The following PCDHA8 variants were observed in gnomAD, a reference collection of about 807,000 sequenced individuals.
The protein encoded by PCDHA8 is protocadherin alpha-8.
In PCDHA8, 53 loss-of-function variants were observed where a neutral mutation model predicts 61.8. The ratio of observed to expected loss-of-function variants is 0.86; its 90% confidence interval spans 0.69 to 1.08. The LOEUF (loss-of-function observed/expected upper bound fraction) is 1.08. Ranked by LOEUF, PCDHA8 falls within the 50% of genes least tolerant of loss-of-function variation. The probability of loss-of-function intolerance (pLI) is 0.00; values close to 1 mark genes in which losing one functional copy is unlikely to be tolerated. For synonymous variants in PCDHA8, 618 were observed against 556.6 expected, an observed-to-expected ratio of 1.11 and a Z score of -1.55; for missense variants, 1,293 against 1,245.0, an observed-to-expected ratio of 1.04 and a Z score of -0.58.
rs2098415868 is a variant in PCDHA8 at position 141,010,044 on chromosome 5, G to A, written c.*107G>A. On this transcript the variant is annotated 3_prime_UTR_variant, in exon 4 of 4. Coordinates refer to ENST00000531613, the MANE Select transcript of PCDHA8 (RefSeq NM_018911.3). ...TTTCCTATCTACATGAGCCCTCTTA[G>A]AGACCTCAGAAATCTGCAGAAAGTT... 6.3e-7 allele frequency: 1 copy of A among 1,594,604 alleles called. No individual in the cohort carries two copies. The highest frequency in any genetic ancestry group is 8.5e-7 in the Non-Finnish European group (1 of 1,171,226).
At chr5:140,980,852 T>G (rs1233523507) in intron 2 of PCDHA8, among the ~76,000 whole-genome samples, 5 of 152,184 alleles carry the variant, frequency 3.3e-5, no homozygotes, top group African/African-American at 1.2e-4. Flanking sequence ...TACTAATCTT[T>G]TTCGTATGTG....
At chr5:140,921,078 C>A (rs2153559626) in intron 1 of PCDHA8, among the ~76,000 whole-genome samples, 1 of 151,870 alleles carries the variant, frequency 6.6e-6, no homozygotes, top group East Asian at 2.0e-4. Context: ...CTCTTGGGCT[C>A]AAGAGAATCC....
intron 1 of PCDHA8, chr5:140,870,378 T>C (rs782676295): frequency 1.9e-6 from 3 of 1,614,036 alleles, no homozygotes; most frequent in African/African-American, 1.3e-5. Flanking sequence ...TGGTGGTGAC[T>C]GCGCGGGATG....
chr5:141,006,338 A>G (rs1201287903), intron 3 of PCDHA8, among the ~76,000 whole-genome samples: 13 of 151,820 alleles, frequency 8.6e-5, no homozygotes, highest in African/African-American at 3.1e-4. Flanking sequence ...CAGCCTCCTG[A>G]GTAGCTGGGA....
rs150360427 is a variant in PCDHA8 at position 140,892,912 on chromosome 5, T to C, written c.2394+49197T>C. Among the ~76,000 whole-genome samples, 3 of 152,298 alleles carry C rather than the reference T, an allele frequency of 2.0e-5. No homozygotes were observed. In the East Asian group the frequency reaches 5.8e-4, roughly 29 times the overall value. Reference sequence around the variant, plus strand: ...CAACCTTTCCCCATCCTCCTTTTCCTTCACCCTTCCCAGCCTCTGATAAGC... The same window carrying C: ...CAACCTTTCCCCATCCTCCTTTTCCCTCACCCTTCCCAGCCTCTGATAAGC... On this transcript the variant is annotated intron_variant, in intron 1 of 3. Coordinates refer to ENST00000531613, the MANE Select transcript of PCDHA8 (RefSeq NM_018911.3).
chr5:140,996,524 C>A (rs1303736536), intron 3 of PCDHA8, among the ~76,000 whole-genome samples: 3 of 152,048 alleles, frequency 2.0e-5, no homozygotes, highest in African/African-American at 7.2e-5. Flanking sequence ...TTAGAAAGGC[C>A]CTGTGTGTTT....
At chr5:140,962,037 C>G (rs1449536712) in intron 1 of PCDHA8, among the ~76,000 whole-genome samples, 1 of 152,066 alleles carries the variant, frequency 6.6e-6, no homozygotes, top group African/African-American at 2.4e-5. Flanking sequence ...GCACCCACCA[C>G]CATGCCTGGC....
chr5:140,944,871 C>T (rs1370417254), intron 1 of PCDHA8, among the ~76,000 whole-genome samples: 1 of 152,110 alleles, frequency 6.6e-6, no homozygotes, highest in Non-Finnish European at 1.5e-5. Flanking sequence ...ATCTTAACCA[C>T]CTACTCCACT....
rs79215949 is a variant in PCDHA8 at position 140,921,420 on chromosome 5, C to T, written c.2395-57529C>T. Among the ~76,000 whole-genome samples, 1,220 of 152,204 alleles carry T rather than the reference C, an allele frequency of 8.0e-3. 6 individuals carry two copies. The highest frequency in any genetic ancestry group is 0.019 in the African/African-American group (786 of 41,526). On this transcript the variant is annotated intron_variant, in intron 1 of 3. Coordinates refer to ENST00000531613, the MANE Select transcript of PCDHA8 (RefSeq NM_018911.3). Reference sequence around the variant, plus strand: ...ACTAGATTTTCCTCTGTGCTGCAGACAAAAATTTTCTTCAATGGTGTCTGA... The same window carrying T: ...ACTAGATTTTCCTCTGTGCTGCAGATAAAAATTTTCTTCAATGGTGTCTGA...
chr5:140,927,275 A>G, intron 1 of PCDHA8: 1 of 1,614,124 alleles, frequency 6.2e-7, no homozygotes, highest in Non-Finnish European at 8.5e-7. Flanking sequence ...CCTGCCGGCG[A>G]CGTGCAGCTG....
intron 1 of PCDHA8, among the ~76,000 whole-genome samples, chr5:140,900,374 T>TCAAGAA (rs1554189115): frequency 1.3e-5 from 2 of 151,622 alleles, no homozygotes; most frequent in Non-Finnish European, 2.9e-5. Flanking sequence ...GCCTCCTGGG[T>TCAAGAA]TCAAGCGATT....
chr5:140,863,401 CCCACGCTGGTGT>C, intron 1 of PCDHA8: 2 of 854,408 alleles, frequency 2.3e-6, no homozygotes, highest in East Asian at 4.2e-5. Flanking sequence ...GCCGGGCAAG[CCCACGCTGGTGT>C]ACCGCAGCGT....
intron 1 of PCDHA8, among the ~76,000 whole-genome samples, chr5:140,889,584 CT>C (rs1192659128): frequency 1.3e-5 from 2 of 151,792 alleles, no homozygotes; most frequent in Non-Finnish European, 2.9e-5. Context: ...TTTGTTTTTG[CT>C]TTGAAATATT....
intron 3 of PCDHA8, among the ~76,000 whole-genome samples, chr5:140,985,803 G>T (rs536777034): frequency 2.9e-5 from 4 of 139,766 alleles, no homozygotes; most frequent in Non-Finnish European, 6.0e-5. Context: ...GCAGTGGCAC[G>T]ATCTCAGCTC....
intron 1 of PCDHA8, chr5:140,967,958 C>A (rs202159883): frequency 6.2e-7 from 1 of 1,614,182 alleles, no homozygotes; most frequent in Non-Finnish European, 8.5e-7. Context: ...AGGCCCCAAC[C>A]GGAAAGTGAG....
intron 1 of PCDHA8, chr5:140,863,088 C>T: frequency 1.7e-6 from 1 of 574,660 alleles, no homozygotes; most frequent in Non-Finnish European, 3.4e-6. Flanking sequence ...GCGAGATCAG[C>T]ACGACGAGTA....
chr5:140,903,713 A>G (rs1391210068), intron 1 of PCDHA8, among the ~76,000 whole-genome samples: 1 of 152,206 alleles, frequency 6.6e-6, no homozygotes, highest in Non-Finnish European at 1.5e-5. Flanking sequence ...TAAAATATAC[A>G]ATTCTCCCTA....
At chr5:140,901,766 A>T (rs2068897184) in intron 1 of PCDHA8, among the ~76,000 whole-genome samples, 1 of 152,188 alleles carries the variant, frequency 6.6e-6, no homozygotes, top group Admixed American at 6.5e-5. Flanking sequence ...CAGGGATTGC[A>T]TTGAATTTGT....
chr5:140,994,665 A>G (rs555985538), intron 3 of PCDHA8, among the ~76,000 whole-genome samples: 1 of 152,294 alleles, frequency 6.6e-6, no homozygotes, highest in East Asian at 1.9e-4. Flanking sequence ...AGATCACACT[A>G]CTGCACTCCA....
Sources: allele counts gnomAD v4.1 joint callset (sites outside exome capture counted in the v4.1 genomes callset), GRCh38; gene constraint gnomAD v4.1.1; transcripts MANE v1.5; gene names NCBI Gene and HGNC (gene_info 2026-07-23, HGNC 2026-07-21).